The following LOC400499 variants were observed in gnomAD, a reference collection of about 807,000 sequenced individuals.
At chr16:11,407,981 T>G in the LOC400499 span, among the ~76,000 whole-genome samples, 2 of 140,310 alleles carry the variant, frequency 1.4e-5, no homozygotes, top group Non-Finnish European at 3.1e-5. Context: ...TTTTTTTTTT[T>G]TTTTTTTTTT....
At chr16:11,448,067 T>C in the LOC400499 span, 1 of 1,534,454 alleles carries the variant, frequency 6.5e-7, no homozygotes, top group African/African-American at 1.4e-5. Context: ...ACCTGGGTCT[T>C]CCGGGGCTGC....
the LOC400499 span, among the ~76,000 whole-genome samples, chr16:11,412,226 A>T: frequency 6.6e-6 from 1 of 152,056 alleles, no homozygotes; most frequent in African/African-American, 2.4e-5. Flanking sequence ...CTCCACCTCC[A>T]TGTCTCAGCC....
At chr16:11,490,809 G>T in the LOC400499 span, among the ~76,000 whole-genome samples, 1 of 152,240 alleles carries the variant, frequency 6.6e-6, no homozygotes, top group Non-Finnish European at 1.5e-5. Flanking sequence ...TGTATTACAA[G>T]TTCTGATGTA....
the LOC400499 span, among the ~76,000 whole-genome samples, chr16:11,517,110 C>T: frequency 2.0e-5 from 3 of 152,278 alleles, no homozygotes; most frequent in Admixed American, 2.0e-4. Flanking sequence ...GAGAGCAGCT[C>T]TCATCCTAAG....
the LOC400499 span, chr16:11,401,337 A>G: frequency 2.5e-6 from 1 of 399,390 alleles, no homozygotes; most frequent in Admixed American, 4.4e-5. Flanking sequence ...GGGAGGTTGA[A>G]TGGGTGAGCC....
At chr16:11,523,260 T>A in the LOC400499 span, among the ~76,000 whole-genome samples, 1 of 152,208 alleles carries the variant, frequency 6.6e-6, no homozygotes, top group Non-Finnish European at 1.5e-5. Flanking sequence ...TTTCCAGAAC[T>A]GGCCTTGGTC....
chr16:11,383,409 T>C, the LOC400499 span, among the ~76,000 whole-genome samples: 27 of 152,258 alleles, frequency 1.8e-4, no homozygotes, highest in South Asian at 1.0e-3. Context: ...TGTGAACTAA[T>C]AGAGCAAGAA....
At chr16:11,383,495 C>T in the LOC400499 span, 3 of 912,200 alleles carry the variant, frequency 3.3e-6, no homozygotes, top group Non-Finnish European at 4.3e-6. Context: ...CACATCCAAA[C>T]AGGCAGTCTT....
At chr16:11,493,531 G>C in the LOC400499 span, 1 of 390,112 alleles carries the variant, frequency 2.6e-6, no homozygotes, top group Non-Finnish European at 4.5e-6. Flanking sequence ...CCCACAGTAG[G>C]TGCTCATTAA....
the LOC400499 span, chr16:11,383,901 C>T: frequency 8.1e-7 from 1 of 1,232,028 alleles, no homozygotes; most frequent in Non-Finnish European, 1.0e-6. Context: ...GGAAGCAGTC[C>T]CTCAAGCTGG....
the LOC400499 span, chr16:11,501,107 G>C: frequency 3.9e-4 from 131 of 332,740 alleles, 1 homozygote; most frequent in South Asian, 0.021. Flanking sequence ...GGCTGACCCG[G>C]GTCTGGGACC....
At chr16:11,427,441 C>T in the LOC400499 span, among the ~76,000 whole-genome samples, 6 of 147,470 alleles carry the variant, frequency 4.1e-5, no homozygotes, top group Non-Finnish European at 8.9e-5. Flanking sequence ...AACCACTAGA[C>T]ACTAATTTGA....
the LOC400499 span, chr16:11,469,100 C>T: frequency 2.5e-6 from 1 of 399,020 alleles, no homozygotes; most frequent in African/African-American, 2.1e-5. Context: ...GTTAACAGGG[C>T]TCTGGTACGG....
At chr16:11,493,341 T>G in the LOC400499 span, among the ~76,000 whole-genome samples, 1 of 152,164 alleles carries the variant, frequency 6.6e-6, no homozygotes, top group Admixed American at 6.5e-5. Context: ...CCGATAAAAC[T>G]TTATTGAGAA....
the LOC400499 span, among the ~76,000 whole-genome samples, chr16:11,519,934 C>T: frequency 6.6e-6 from 1 of 152,020 alleles, no homozygotes; most frequent in Admixed American, 6.6e-5. Context: ...AACTCCAGAC[C>T]TCAGGTGATC....
At chr16:11,424,205 G>T in the LOC400499 span, 2 of 399,336 alleles carry the variant, frequency 5.0e-6, no homozygotes, top group Non-Finnish European at 8.8e-6. Flanking sequence ...GGAGCTGGAG[G>T]CCCGAGGACT....
chr16:11,495,543 G>A, the LOC400499 span, among the ~76,000 whole-genome samples: 1 of 152,062 alleles, frequency 6.6e-6, no homozygotes, highest in South Asian at 2.1e-4. Flanking sequence ...ACCACCCTTG[G>A]CTCATTTTTC....
chr16:11,440,019 G>C, the LOC400499 span, among the ~76,000 whole-genome samples: 1 of 152,002 alleles, frequency 6.6e-6, no homozygotes, highest in Non-Finnish European at 1.5e-5. Flanking sequence ...ATTCACCGAA[G>C]GTTACACAGC....
At chr16:11,490,268 C>T in the LOC400499 span, among the ~76,000 whole-genome samples, 1 of 151,884 alleles carries the variant, frequency 6.6e-6, no homozygotes, top group African/African-American at 2.4e-5. Context: ...TGGTGGTGTG[C>T]AGCTGTAATC....
Sources: gnomAD v4.1 joint callset for allele counts (sites outside exome capture counted in the v4.1 genomes callset) on GRCh38, gnomAD v4.1.1 for gene constraint, MANE v1.5 for transcripts.